The following DNM3 variants were observed in gnomAD, a reference collection of about 807,000 sequenced individuals.
The protein encoded by DNM3 is dynamin 3.
Under a neutral mutation model 101.6 loss-of-function variants are expected in DNM3, and 47 were observed. The ratio of observed to expected loss-of-function variants is 0.46; its 90% CI spans 0.37 to 0.59. DNM3 has a LOEUF of 0.59. Among genes scored for constraint, DNM3 ranks in the 20% least tolerant of loss-of-function variants. The probability of loss-of-function intolerance (pLI) is 0.00; values close to 1 mark genes in which losing one functional copy is unlikely to be tolerated. For missense variants in DNM3, 849 were observed against 1,085.7 expected (o/e 0.78, Z 3.06); for synonymous variants, 385 against 387.9 (o/e 0.99, Z 0.09).
chr1:172,417,085 GT>G (rs144897979), downstream of DNM3, among the ~76,000 whole-genome samples: 89 of 145,750 alleles, frequency 6.1e-4, 1 homozygote, highest in African/African-American at 1.9e-3. Context: ...TTTTGTTTTT[GT>G]TTTTTTTTTA....
intron 14 of DNM3, among the ~76,000 whole-genome samples, chr1:172,145,343 T>TCTCC (rs1268519459): frequency 1.3e-5 from 2 of 151,148 alleles, no homozygotes; most frequent in East Asian, 1.9e-4. Context: ...TCTCTCTCTC[T>TCTCC]CTCCCCCTCT....
intron 1 of DNM3, 95 bp downstream of exon 1, chr1:171,841,912 A>G: frequency 8.2e-7 from 1 of 1,219,532 alleles, no homozygotes; most frequent in Admixed American, 2.7e-5. Context: ...CAGAGGGTGG[A>G]TGGACCAGGC....
At chr1:172,299,783 A>G (rs2064348819) in intron 15 of DNM3, among the ~76,000 whole-genome samples, 1 of 152,172 alleles carries the variant, frequency 6.6e-6, no homozygotes, top group Admixed American at 6.5e-5. Flanking sequence ...CCAGTCCACT[A>G]TTAACAGACA....
chr1:172,267,923 A>C (rs1301324033), intron 15 of DNM3, among the ~76,000 whole-genome samples: 2 of 152,152 alleles, frequency 1.3e-5, no homozygotes, highest in Non-Finnish European at 2.9e-5. Flanking sequence ...CACGTTAGCC[A>C]GGATGGTCTC....
intron 14 of DNM3, among the ~76,000 whole-genome samples, chr1:172,199,312 A>T (rs1019964728): frequency 6.6e-6 from 1 of 152,034 alleles, no homozygotes; most frequent in South Asian, 2.1e-4. Flanking sequence ...TTTGTAGAGG[A>T]TTATTTTATG....
At chr1:172,126,469 T>G (rs903038953) in intron 13 of DNM3, among the ~76,000 whole-genome samples, 2 of 152,220 alleles carry the variant, frequency 1.3e-5, no homozygotes, top group African/African-American at 4.8e-5. Context: ...TTAACTGTTA[T>G]TAGTAAAATT....
chr1:172,170,687 G>A (rs558435311), intron 14 of DNM3, among the ~76,000 whole-genome samples: 1 of 151,648 alleles, frequency 6.6e-6, no homozygotes, highest in Non-Finnish European at 1.5e-5. Flanking sequence ...TGTTTGCTTT[G>A]TTTTTCTGAC....
intron 14 of DNM3, among the ~76,000 whole-genome samples, chr1:172,219,229 G>T (rs116335663): frequency 1.3e-5 from 2 of 151,746 alleles, no homozygotes; most frequent in African/African-American, 4.8e-5. Context: ...GGGCATGGTG[G>T]CATGCACCCC....
At chr1:172,217,986 G>A (rs2148550436) in intron 14 of DNM3, among the ~76,000 whole-genome samples, 1 of 152,208 alleles carries the variant, frequency 6.6e-6, no homozygotes, top group South Asian at 2.1e-4. Context: ...TAATGAGGTA[G>A]GAAAAATTTC....
chr1:172,026,286 C>A (rs1456925410), intron 4 of DNM3, among the ~76,000 whole-genome samples: 1 of 152,086 alleles, frequency 6.6e-6, no homozygotes, highest in Non-Finnish European at 1.5e-5. Flanking sequence ...TGAACAAAGC[C>A]TCCAAGAAAT....
intron 13 of DNM3, among the ~76,000 whole-genome samples, chr1:172,111,060 C>T (rs1246628387): frequency 6.6e-6 from 1 of 152,142 alleles, no homozygotes; most frequent in Admixed American, 6.6e-5. Flanking sequence ...AAATTAAATA[C>T]GTGTAGCTCT....
At chr1:171,984,417 G>T (rs1450726809) in intron 2 of DNM3, among the ~76,000 whole-genome samples, 1 of 151,992 alleles carries the variant, frequency 6.6e-6, no homozygotes, top group Non-Finnish European at 1.5e-5. Context: ...ACCGCCCGGT[G>T]CTCCAGCCAC....
chr1:171,960,431 G>A (rs1246482690), intron 2 of DNM3, among the ~76,000 whole-genome samples: 1 of 152,170 alleles, frequency 6.6e-6, no homozygotes, highest in Non-Finnish European at 1.5e-5. Context: ...TAGGTAAAGA[G>A]AGGGCTCCAC....
intron 17 of DNM3, among the ~76,000 whole-genome samples, chr1:172,328,569 G>T (rs988018963): frequency 1.3e-5 from 2 of 152,096 alleles, no homozygotes; most frequent in Non-Finnish European, 2.9e-5. Context: ...GTTCTCACTT[G>T]TAAGTGGGAG....
chr1:172,240,918 C>T (rs1046053537), intron 14 of DNM3, among the ~76,000 whole-genome samples: 6 of 152,060 alleles, frequency 3.9e-5, no homozygotes, highest in Non-Finnish European at 8.8e-5. Context: ...ATTTGAAGTG[C>T]TTGAAGCGTG....
chr1:172,069,965 C>T (rs2052025723), intron 11 of DNM3, among the ~76,000 whole-genome samples: 1 of 151,810 alleles, frequency 6.6e-6, no homozygotes, highest in Non-Finnish European at 1.5e-5. Flanking sequence ...ACAGAGTGTG[C>T]GTGGGGAAGA....
intron 16 of DNM3, among the ~76,000 whole-genome samples, chr1:172,320,103 A>G (rs2065624870): frequency 6.6e-6 from 1 of 151,466 alleles, no homozygotes; most frequent in African/African-American, 2.4e-5. Flanking sequence ...GAAATTGGAA[A>G]TCACCATTCT....
intron 17 of DNM3, among the ~76,000 whole-genome samples, chr1:172,335,964 C>T (rs751700219): frequency 6.6e-6 from 1 of 151,606 alleles, no homozygotes; most frequent in Non-Finnish European, 1.5e-5. Flanking sequence ...GTCAAAAAGT[C>T]AAAAAAAGAA....
At chr1:172,062,650 C>T (rs2051332024) in intron 10 of DNM3, among the ~76,000 whole-genome samples, 1 of 152,146 alleles carries the variant, frequency 6.6e-6, no homozygotes. Context: ...ACTCCTTTTC[C>T]CTTCCTGCCA....
Sources: allele counts gnomAD v4.1 joint callset (sites outside exome capture counted in the v4.1 genomes callset), GRCh38; gene constraint gnomAD v4.1.1; transcripts MANE v1.5; gene names NCBI Gene and HGNC (gene_info 2026-07-23, HGNC 2026-07-21).